GLI3: variants seen among roughly 807,000 people sequenced by gnomAD.
GLI3 encodes transcription activator GLI3.
Under a neutral mutation model 100.8 loss-of-function variants are expected in GLI3, and 20 were observed. The ratio of observed to expected loss-of-function variants is 0.20; its 90% CI spans 0.14 to 0.29. The LOEUF is 0.29. GLI3 is among the 10% of genes least tolerant of loss of function. The pLI, the probability that GLI3 is intolerant of heterozygous loss-of-function variation, is 1.00. For synonymous variants in GLI3, 938 were observed against 860.5 expected, an observed-to-expected ratio of 1.09 and a Z score of -1.58; for missense variants, 2,040 against 2,128.5, an observed-to-expected ratio of 0.96 and a Z score of 0.82.
At chr7:42,162,462 T>C (rs1442213372) in intron 2 of GLI3, among the ~76,000 whole-genome samples, 3 of 152,212 alleles carry the variant, frequency 2.0e-5, no homozygotes, top group East Asian at 3.9e-4. Context: ...ATGTACTTTT[T>C]TGGCAGAAAA....
intron 2 of GLI3, among the ~76,000 whole-genome samples, chr7:42,215,446 G>A (rs1342502608): frequency 6.6e-6 from 1 of 152,106 alleles, no homozygotes; most frequent in East Asian, 1.9e-4. Context: ...GGAGGTGGTG[G>A]GAGGCCACCA....
chr7:42,205,894 G>T (rs1788140926), intron 2 of GLI3, among the ~76,000 whole-genome samples: 1 of 152,134 alleles, frequency 6.6e-6, no homozygotes, highest in South Asian at 2.1e-4. Flanking sequence ...GAATGCCACA[G>T]AAAAACGACT....
At chr7:42,145,165 T>C (rs1458808005) in intron 3 of GLI3, among the ~76,000 whole-genome samples, 1 of 152,236 alleles carries the variant, frequency 6.6e-6, no homozygotes, top group African/African-American at 2.4e-5. Flanking sequence ...AGATAGATTT[T>C]ATTATAAAGT....
chr7:42,160,871 C>G (rs1409529323), intron 2 of GLI3, among the ~76,000 whole-genome samples: 3 of 152,232 alleles, frequency 2.0e-5, no homozygotes, highest in South Asian at 2.1e-4. Flanking sequence ...TGTTTTACAA[C>G]CAGAAAAAAA....
intron 1 of GLI3, among the ~76,000 whole-genome samples, chr7:42,247,194 A>G (rs1398853653): frequency 6.6e-6 from 1 of 152,204 alleles, no homozygotes; most frequent in East Asian, 1.9e-4. Context: ...ATCGATTACA[A>G]GTACATTTTA....
At chr7:42,190,832 T>G (rs1008994868) in intron 2 of GLI3, among the ~76,000 whole-genome samples, 1 of 152,028 alleles carries the variant, frequency 6.6e-6, no homozygotes, top group Non-Finnish European at 1.5e-5. Context: ...TAGAATCAAA[T>G]AGACCTTATA....
At chr7:42,083,690 T>G (rs1785043793) in intron 3 of GLI3, among the ~76,000 whole-genome samples, 1 of 152,232 alleles carries the variant, frequency 6.6e-6, no homozygotes, top group African/African-American at 2.4e-5. Context: ...TATCAATTTT[T>G]TATTTATTGT....
At chr7:42,125,262 C>T (rs763189204) in intron 3 of GLI3, among the ~76,000 whole-genome samples, 6 of 152,100 alleles carry the variant, frequency 3.9e-5, no homozygotes, top group African/African-American at 9.7e-5. Flanking sequence ...CGCCAAGGTC[C>T]CTGTCTGGGC....
Position 42,194,753 on chromosome 7 carries a change from CTG to C in GLI3, c.124+28375_124+28376del, listed in dbSNP as rs1299146758. On this transcript the variant is annotated intron_variant, in intron 2 of 14. Transcript: ENST00000395925. The stretch of plus-strand genomic sequence containing the variant: ...GTCTCTAATGCATCAACTTCTCTCT[CTG>C]TCTCTTTTTTTTTTTTTTTTTGGAG... Among the ~76,000 whole-genome samples, 510 of 95,086 alleles carry C rather than the reference CTG, an allele frequency of 5.4e-3. 2 individuals carry two copies. Among genetic ancestry groups the C allele is most frequent in the Middle Eastern group, 0.036 (6 of 168 alleles). 62.4% of individuals were successfully genotyped at this position (95,086 alleles called of 152,430 possible).
At chr7:42,073,949 G>A (rs774386173) in intron 4 of GLI3, among the ~76,000 whole-genome samples, 6 of 152,228 alleles carry the variant, frequency 3.9e-5, no homozygotes, top group Non-Finnish European at 5.9e-5. Context: ...TAGCAAATAC[G>A]TGCTTTTAAG....
At chr7:42,245,906 GAA>G (rs11306047) in intron 1 of GLI3, among the ~76,000 whole-genome samples, 18,010 of 143,864 alleles carry the variant, frequency 0.13, 1,747 homozygotes, top group African/African-American at 0.28. Context: ...GAAAGAAAAG[GAA>G]AAAAAAAAAA....
chr7:42,066,347 C>T (rs145337114), intron 4 of GLI3, among the ~76,000 whole-genome samples: 1 of 152,250 alleles, frequency 6.6e-6, no homozygotes, highest in Non-Finnish European at 1.5e-5. Context: ...TCCAATTCAA[C>T]TTCCACAACT....
Position 41,978,716 on chromosome 7 carries a change from C to T in GLI3, c.1530G>A (p.Lys510=), listed in dbSNP as rs147690395. 21 of 1,613,892 alleles carry T rather than the reference C, an allele frequency of 1.3e-5. No homozygotes were observed. In the African/African-American group the frequency reaches 2.5e-4, roughly 19 times the overall value. Residue 510 remains lysine, a synonymous_variant, in exon 11 of 15, where the codon AAG becomes AAA. Coordinates refer to ENST00000395925, the MANE Select transcript of GLI3 (RefSeq NM_000168.6). ...CCAGCCACCTGCACACGAACTCCTT[C>T]TTCTCTCCATGAATATGGTCGTTAT... is the stretch of plus-strand genomic sequence containing the variant. The part of the protein sequence containing the change: ...HINNDHIHGE[K]KEFVCRWLDC...
intron 4 of GLI3, among the ~76,000 whole-genome samples, chr7:42,049,033 G>A (rs972104174): frequency 3.3e-5 from 5 of 152,012 alleles, no homozygotes; most frequent in Non-Finnish European, 5.9e-5. Flanking sequence ...TGCTACAATT[G>A]TATTTTCCAC....
At chr7:42,083,888 T>C (rs571615503) in intron 3 of GLI3, among the ~76,000 whole-genome samples, 1 of 152,324 alleles carries the variant, frequency 6.6e-6, no homozygotes, top group African/African-American at 2.4e-5. Context: ...AAATTAACCA[T>C]AAATCTAGCA....
intron 2 of GLI3, among the ~76,000 whole-genome samples, chr7:42,168,110 A>C (rs186120847): frequency 1.3e-5 from 2 of 152,370 alleles, no homozygotes; most frequent in Admixed American, 1.3e-4. Flanking sequence ...GAAAATAACA[A>C]GACATAAGAC....
intron 1 of GLI3, among the ~76,000 whole-genome samples, chr7:42,258,248 T>C (rs747218075): frequency 6.6e-6 from 1 of 152,242 alleles, no homozygotes; most frequent in Non-Finnish European, 1.5e-5. Flanking sequence ...TATATTTTGA[T>C]TTGAACATGA....
intron 2 of GLI3, among the ~76,000 whole-genome samples, chr7:42,168,478 A>T (rs528609209): frequency 1.3e-5 from 2 of 152,246 alleles, no homozygotes; most frequent in African/African-American, 2.4e-5. Context: ...GGACAGATTC[A>T]TAAATTGTGA....
intron 10 of GLI3, among the ~76,000 whole-genome samples, chr7:41,983,715 G>A (rs956349187): frequency 3.3e-5 from 5 of 152,084 alleles, no homozygotes; most frequent in Non-Finnish European, 5.9e-5. Context: ...CAACTCTCTC[G>A]GCGCAGCCAC....
Sources: allele counts gnomAD v4.1 joint callset (sites outside exome capture counted in the v4.1 genomes callset), GRCh38; gene constraint gnomAD v4.1.1; transcripts MANE v1.5; gene names NCBI Gene and HGNC (gene_info 2026-07-23, HGNC 2026-07-21).